The following SH3RF3 variants were observed in gnomAD, a reference collection of about 807,000 sequenced individuals.
The protein encoded by SH3RF3 is SH3 domain containing ring finger 3, also known as E3 ubiquitin-protein ligase SH3RF3.
Under a neutral mutation model 66.3 loss-of-function variants are expected in SH3RF3, and 29 were observed. The ratio of observed to expected loss-of-function variants is 0.44; its 90% CI spans 0.33 to 0.60. The LOEUF (loss-of-function observed/expected upper bound fraction) is 0.60, where lower values mean the gene tolerates loss of function less well. Among genes scored for constraint, SH3RF3 ranks in the 20% least tolerant of loss-of-function variants. The pLI, the probability that SH3RF3 is intolerant of heterozygous loss-of-function variation, is 0.04. For missense variants in SH3RF3, 1,194 were observed against 1,190.9 expected (o/e 1.00, Z -0.04); for synonymous variants, 583 against 532.0 (o/e 1.10, Z -1.32).
At chr2:109,401,381 G>A (rs1436958947) in intron 4 of SH3RF3, among the ~76,000 whole-genome samples, 1 of 152,242 alleles carries the variant, frequency 6.6e-6, no homozygotes, top group Non-Finnish European at 1.5e-5. Context: ...TGGGTAGGTC[G>A]TTTGTCTCCT....
At chr2:109,369,982 G>A (rs72824713) in intron 2 of SH3RF3, among the ~76,000 whole-genome samples, 12,210 of 152,214 alleles carry the variant, frequency 0.08, 686 homozygotes, top group Non-Finnish European at 0.11. Context: ...GCCATCTCTT[G>A]GCCATCTCCT....
intron 8 of SH3RF3, among the ~76,000 whole-genome samples, chr2:109,483,672 C>T (rs1229317111): frequency 1.3e-5 from 2 of 152,224 alleles, no homozygotes; most frequent in Admixed American, 6.5e-5. Context: ...GCTGGACACA[C>T]AAAGGAGTCC....
chr2:109,478,266 C>T (rs941412694), intron 8 of SH3RF3, among the ~76,000 whole-genome samples: 12 of 152,334 alleles, frequency 7.9e-5, no homozygotes, highest in Non-Finnish European at 1.5e-4. Context: ...CCCATAAAGC[C>T]GTCTAGCTGT....
intron 1 of SH3RF3, among the ~76,000 whole-genome samples, chr2:109,229,057 G>A (rs1679437841): frequency 6.6e-6 from 1 of 152,142 alleles, no homozygotes; most frequent in Non-Finnish European, 1.5e-5. Context: ...AATACCAAGG[G>A]ATTAGGAGCT....
chr2:109,414,967 C>G (rs1156408967), intron 4 of SH3RF3, among the ~76,000 whole-genome samples: 1 of 152,224 alleles, frequency 6.6e-6, no homozygotes, highest in East Asian at 1.9e-4. Flanking sequence ...GGAGATGCTC[C>G]TGGATCACCT....
intron 1 of SH3RF3, among the ~76,000 whole-genome samples, chr2:109,296,914 G>A (rs1359491358): frequency 6.6e-6 from 1 of 152,178 alleles, no homozygotes; most frequent in African/African-American, 2.4e-5. Context: ...CAGGAGTGTG[G>A]ATTGGGCTGC....
intron 1 of SH3RF3, among the ~76,000 whole-genome samples, chr2:109,339,918 C>T (rs368804545): frequency 1.3e-4 from 20 of 152,314 alleles, no homozygotes; most frequent in South Asian, 8.3e-4. Flanking sequence ...AGGCTTCCCT[C>T]GCCTTTTGGG....
In SH3RF3 at chr2:109,297,671, T is replaced by C. The variant is rs116194363; in HGVS notation, c.574-50003T>C. Among the ~76,000 whole-genome samples the C allele has an allele frequency of 6.3e-3, 939 of 147,944 alleles. 10 individuals carry two copies. Among genetic ancestry groups the C allele is most frequent in the African/African-American group, 0.022 (862 of 39,658 alleles). ...GGCCAGTGTCCCCCACCCTGGTCAG[T>C]GCCTTCCACTGGGCCAATGCCCCCC... On this transcript the variant is annotated intron_variant, in intron 1 of 9. Transcript: ENST00000309415.
intron 3 of SH3RF3, among the ~76,000 whole-genome samples, chr2:109,384,308 C>T (rs1675767611): frequency 1.3e-5 from 2 of 152,192 alleles, no homozygotes; most frequent in African/African-American, 2.4e-5. Context: ...GGATTCTACT[C>T]TCCGTGGAGA....
At chr2:109,261,807 G>A (rs1398534494) in intron 1 of SH3RF3, among the ~76,000 whole-genome samples, 4 of 152,076 alleles carry the variant, frequency 2.6e-5, no homozygotes, top group Non-Finnish European at 5.9e-5. Context: ...CACCCTACTG[G>A]TCAGCCTCCC....
At chr2:109,268,996 C>T (rs943084222) in intron 1 of SH3RF3, among the ~76,000 whole-genome samples, 8 of 152,336 alleles carry the variant, frequency 5.3e-5, no homozygotes, top group Non-Finnish European at 1.2e-4. Context: ...CTTCTGAGCC[C>T]TAAGACATGC....
chr2:109,185,890 T>C (rs1370708539), intron 1 of SH3RF3, among the ~76,000 whole-genome samples: 1 of 152,224 alleles, frequency 6.6e-6, no homozygotes, highest in Non-Finnish European at 1.5e-5. Flanking sequence ...CCAAGTCGGG[T>C]GGTGTGGATG....
intron 9 of SH3RF3, among the ~76,000 whole-genome samples, chr2:109,493,261 A>G (rs889596801): frequency 2.7e-5 from 4 of 150,578 alleles, no homozygotes; most frequent in African/African-American, 9.8e-5. Context: ...CACACTGCAA[A>G]CACACACCCC....
intron 7 of SH3RF3, among the ~76,000 whole-genome samples, chr2:109,446,548 G>T (rs1395064426): frequency 6.6e-6 from 1 of 152,192 alleles, no homozygotes; most frequent in East Asian, 1.9e-4. Context: ...GCACCGTGAA[G>T]GTGGTAGGCA....
intron 1 of SH3RF3, among the ~76,000 whole-genome samples, chr2:109,225,478 A>T (rs1002285759): frequency 6.6e-6 from 1 of 152,190 alleles, no homozygotes; most frequent in Non-Finnish European, 1.5e-5. Flanking sequence ...CCGACTCCCC[A>T]CTGGGGACTG....
intron 1 of SH3RF3, among the ~76,000 whole-genome samples, chr2:109,207,528 T>G (rs1288215454): frequency 6.6e-6 from 1 of 152,236 alleles, no homozygotes; most frequent in African/African-American, 2.4e-5. Context: ...TGGAATTTCA[T>G]GGTAAAACAG....
At chr2:109,271,250 G>A (rs1387818717) in intron 1 of SH3RF3, among the ~76,000 whole-genome samples, 2 of 152,168 alleles carry the variant, frequency 1.3e-5, no homozygotes, top group Admixed American at 1.3e-4. Flanking sequence ...AATTGCTCCA[G>A]AAAAGCCCTG....
chr2:109,233,329 G>GGA (rs1165414297), intron 1 of SH3RF3, among the ~76,000 whole-genome samples: 1 of 152,174 alleles, frequency 6.6e-6, no homozygotes, highest in Non-Finnish European at 1.5e-5. Context: ...CCTGGAAAGG[G>GGA]GAGAGAGTGG....
chr2:109,442,787 G>A (rs1039175102), intron 7 of SH3RF3, among the ~76,000 whole-genome samples: 3 of 152,088 alleles, frequency 2.0e-5, no homozygotes, highest in African/African-American at 7.2e-5. Context: ...TTAACAGAAG[G>A]GAAAAGAAAC....
Sources: allele counts gnomAD v4.1 joint callset (sites outside exome capture counted in the v4.1 genomes callset), GRCh38; gene constraint gnomAD v4.1.1; transcripts MANE v1.5; gene names NCBI Gene and HGNC (gene_info 2026-07-23, HGNC 2026-07-21).